The following IGF1R variants were observed in gnomAD, a reference collection of about 807,000 sequenced individuals.
IGF1R encodes the protein insulin like growth factor 1 receptor, also known as insulin-like growth factor 1 receptor.
Under a neutral mutation model 144.6 loss-of-function variants are expected in IGF1R, and 44 were observed. The observed-to-expected ratio is 0.30, with a 90% CI of 0.24 to 0.39. IGF1R has a LOEUF of 0.39. Ranked by LOEUF, IGF1R falls within the 10% of genes least tolerant of loss-of-function variation. IGF1R has a pLI of 1.00. For missense variants in IGF1R, 1,355 were observed against 1,833.7 expected, an observed-to-expected ratio of 0.74 and a Z score of 4.77; for synonymous variants, 795 against 722.8, an observed-to-expected ratio of 1.10 and a Z score of -1.60.
At chr15:98,906,200 C>T (rs1443654702) in intron 5 of IGF1R, among the ~76,000 whole-genome samples, 2 of 152,208 alleles carry the variant, frequency 1.3e-5, no homozygotes, top group Non-Finnish European at 2.9e-5. Context: ...TGCTTCCTCC[C>T]GTGGGGGAGA....
At chr15:98,650,235 C>G (rs534699355) in intron 1 of IGF1R, among the ~76,000 whole-genome samples, 7 of 152,226 alleles carry the variant, frequency 4.6e-5, no homozygotes, top group African/African-American at 1.4e-4. Context: ...AGCCCCAGGA[C>G]ACGTCTCCAA....
intron 2 of IGF1R, among the ~76,000 whole-genome samples, chr15:98,837,935 ACT>A (rs1380673713): frequency 1.3e-5 from 2 of 152,022 alleles, no homozygotes; most frequent in African/African-American, 4.8e-5. Context: ...TAGCATTGAG[ACT>A]CTGCAGAATG....
chr15:98,817,160 G>A (rs75356524), intron 2 of IGF1R, among the ~76,000 whole-genome samples: 1 of 151,920 alleles, frequency 6.6e-6, no homozygotes, highest in African/African-American at 2.4e-5. Context: ...AAATTAGCTG[G>A]GTGTGGTGGC....
chr15:98,953,981 C>T (rs1194692360), intron 20 of IGF1R, among the ~76,000 whole-genome samples: 2 of 152,154 alleles, frequency 1.3e-5, no homozygotes, highest in Admixed American at 6.5e-5. Flanking sequence ...CCTAAGACGA[C>T]CCTTACTGTT....
intron 1 of IGF1R, among the ~76,000 whole-genome samples, chr15:98,684,930 CTTTT>C (rs5814891): frequency 8.8e-6 from 1 of 113,438 alleles, no homozygotes; most frequent in Non-Finnish European, 1.8e-5. Context: ...CTTCCTTTTC[CTTTT>C]TTTTTTTTTT....
chr15:98,748,803 T>C, intron 2 of IGF1R, among the ~76,000 whole-genome samples: 1 of 152,222 alleles, frequency 6.6e-6, no homozygotes, highest in East Asian at 1.9e-4. Flanking sequence ...TTTAGTTAAT[T>C]GCGTTTATTC....
At chr15:98,829,214 G>A (rs1005789351) in intron 2 of IGF1R, among the ~76,000 whole-genome samples, 1 of 152,174 alleles carries the variant, frequency 6.6e-6, no homozygotes, top group Non-Finnish European at 1.5e-5. Context: ...ATTTTTGCTA[G>A]ATTCCTTGTT....
At chr15:98,951,428 C>T (rs563851069) in intron 20 of IGF1R, among the ~76,000 whole-genome samples, 1 of 152,248 alleles carries the variant, frequency 6.6e-6, no homozygotes, top group African/African-American at 2.4e-5. Context: ...TATAGAAATT[C>T]TTCTTCTCCC....
chr15:98,845,337 G>A (rs1182812932), intron 2 of IGF1R, among the ~76,000 whole-genome samples: 1 of 151,868 alleles, frequency 6.6e-6, no homozygotes, highest in South Asian at 2.1e-4. Flanking sequence ...CAGTCGGGCT[G>A]TGTCTCTCCC....
chr15:98,820,292 T>A (rs983507493), intron 2 of IGF1R, among the ~76,000 whole-genome samples: 4 of 152,194 alleles, frequency 2.6e-5, no homozygotes, highest in African/African-American at 9.7e-5. Context: ...AAATATGTTC[T>A]AAACAGCAGA....
At chr15:98,713,469 C>T (rs1417538846) in intron 2 of IGF1R, among the ~76,000 whole-genome samples, 1 of 152,164 alleles carries the variant, frequency 6.6e-6, no homozygotes, top group African/African-American at 2.4e-5. Flanking sequence ...TCTTAGTTGG[C>T]AGAGAGGACC....
At chr15:98,716,177 C>T (rs972030838) in intron 2 of IGF1R, among the ~76,000 whole-genome samples, 2 of 152,066 alleles carry the variant, frequency 1.3e-5, no homozygotes, top group Non-Finnish European at 2.9e-5. Context: ...TCTTTGAACT[C>T]GGGGGGCTTG....
intron 2 of IGF1R, among the ~76,000 whole-genome samples, chr15:98,886,829 C>G (rs1448540538): frequency 6.6e-6 from 1 of 152,156 alleles, no homozygotes; most frequent in Admixed American, 6.5e-5. Flanking sequence ...CCAGGACTCT[C>G]TAATCCCACA....
intron 1 of IGF1R, among the ~76,000 whole-genome samples, chr15:98,669,250 A>G (rs957913950): frequency 1.3e-5 from 2 of 152,182 alleles, no homozygotes; most frequent in Non-Finnish European, 2.9e-5. Context: ...AAACCTGCGC[A>G]AGGGTGTTTA....
chr15:98,913,437 T>C (rs2015111746), intron 8 of IGF1R, among the ~76,000 whole-genome samples, 155 bp downstream of exon 8: 1 of 152,244 alleles, frequency 6.6e-6, no homozygotes, highest in Non-Finnish European at 1.5e-5. Context: ...TCCCCACTGC[T>C]AACACATTAG....
At chr15:98,661,349 G>A (rs112560398) in intron 1 of IGF1R, among the ~76,000 whole-genome samples, 290 of 152,300 alleles carry the variant, frequency 1.9e-3, no homozygotes, top group African/African-American at 6.9e-3. Context: ...ACAGAAGAAA[G>A]CTTACTTGTC....
intron 2 of IGF1R, among the ~76,000 whole-genome samples, chr15:98,798,479 C>G (rs571862874): frequency 6.6e-6 from 1 of 152,088 alleles, no homozygotes; most frequent in African/African-American, 2.4e-5. Context: ...ATGCTGGCAG[C>G]TGCGTTAAGA....
rs777893827 is a variant in IGF1R at position 98,707,476 on chromosome 15, T to C, written c.95-86T>C. ...TTCTTTAATAATAATACAGGATTCCTGAAAACCAACTGTATTATTGTTTGG... is the reference window on the plus strand; with the variant it reads ...TTCTTTAATAATAATACAGGATTCCCGAAAACCAACTGTATTATTGTTTGG... On this transcript the variant is annotated intron_variant, in intron 1 of 20. Coordinates refer to ENST00000650285, the MANE Select transcript of IGF1R (RefSeq NM_000875.5). This position sits in a 1 kb window ranked among gnomAD's most constrained non-coding sequence, Gnocchi z 6.7. 7.0e-5 allele frequency: 94 copies of C among 1,344,636 alleles called. No individual in the cohort carries two copies. The highest frequency in any genetic ancestry group is 9.3e-5 in the Non-Finnish European group (89 of 958,176). 83.3% of individuals were successfully genotyped at this position (1,344,636 alleles called of 1,614,324 possible).
chr15:98,765,251 A>G (rs2055406356), intron 2 of IGF1R, among the ~76,000 whole-genome samples: 1 of 145,006 alleles, frequency 6.9e-6, no homozygotes, highest in Non-Finnish European at 1.5e-5. Flanking sequence ...CTTTGTTCTG[A>G]GATGGATGTA....
Sources: gnomAD v4.1 joint callset for allele counts (sites outside exome capture counted in the v4.1 genomes callset) on GRCh38, gnomAD v4.1.1 for gene constraint, Gnocchi (gnomAD v3.1) non-coding constraint, MANE v1.5 for transcripts, NCBI Gene and HGNC (gene_info 2026-07-23, HGNC 2026-07-21) for gene names.